TSPOAP1: variants seen among roughly 807,000 people sequenced by gnomAD.
TSPOAP1 encodes peripheral-type benzodiazepine receptor-associated protein 1.
A neutral mutation model predicts 197.0 loss-of-function variants in TSPOAP1; 87 were observed. That is an observed-to-expected ratio of 0.44 (90% CI 0.37 to 0.53). The LOEUF is 0.53. TSPOAP1 is among the 20% of genes least tolerant of loss of function. The probability of loss-of-function intolerance (pLI) is 0.00; values close to 1 mark genes in which losing one functional copy is unlikely to be tolerated. For synonymous variants in TSPOAP1, 913 were observed against 998.9 expected (o/e 0.91, Z 1.62); for missense variants, 2,174 against 2,411.3 (o/e 0.90, Z 2.06).
In TSPOAP1 at chr17:58,322,220, T is replaced by G; in HGVS notation, c.1422+88A>C. 8 of 1,352,488 alleles carry G rather than the reference T, an allele frequency of 5.9e-6. No homozygotes were observed. Among genetic ancestry groups the G allele is most frequent in the Non-Finnish European group, 8.3e-6 (8 of 968,948 alleles). The allele number at this position is 1,352,488 out of a possible 1,614,324, so 83.8% of individuals were successfully genotyped here. A position where few individuals can be genotyped will look rare whatever the true frequency, so the allele number is the denominator to read the frequency against. On this transcript the variant is annotated intron_variant, in intron 10 of 31. Transcript: ENST00000343736. This position sits in a 1 kb window ranked among gnomAD's most constrained non-coding sequence, Gnocchi z 5.0. The stretch of plus-strand genomic sequence containing the variant: ...ACAGTCTCCCCGACGCCTAGCACAG[T>G]GCCGGGCACACAGTAAATGCTTGTG...
chr17:58,320,494 A>C, intron 11 of TSPOAP1, 37 bp downstream of exon 11: 1 of 1,500,538 alleles, frequency 6.7e-7, no homozygotes, highest in Non-Finnish European at 8.9e-7. Flanking sequence ...CTTCCTCCCA[A>C]GATGGTGGAA....
chr17:58,311,356 A>G, intron 18 of TSPOAP1, 143 bp from the exon 19 acceptor site: 2 of 1,284,758 alleles, frequency 1.6e-6, no homozygotes, highest in Non-Finnish European at 2.1e-6. Context: ...TGCATGGCCT[A>G]TCTCATTTCA....
chr17:58,325,862 G>A (rs1458424825), intron 3 of TSPOAP1, 149 bp from the exon 4 acceptor site: 3 of 777,190 alleles, frequency 3.9e-6, no homozygotes, highest in Non-Finnish European at 4.0e-6. Flanking sequence ...AAAACCAGCA[G>A]CCTCACTCTA....
At chr17:58,325,180 C>T (rs935003177) in intron 4 of TSPOAP1, among the ~76,000 whole-genome samples, 178 bp from the exon 5 acceptor site, 1 of 152,166 alleles carries the variant, frequency 6.6e-6, no homozygotes, top group Non-Finnish European at 1.5e-5. Flanking sequence ...CATGCTCCCG[C>T]GAGCCCCTAT....
chr17:58,306,600 T>C, intron 25 of TSPOAP1, 187 bp from the exon 26 acceptor site: 1 of 889,852 alleles, frequency 1.1e-6, no homozygotes, highest in Non-Finnish European at 1.7e-6. Flanking sequence ...ATGGCTGTAT[T>C]CCCCTCTGCA....
rs146577820 is a variant in TSPOAP1 at position 58,311,487 on chromosome 17, G to A, written c.3081+84C>T. ...CAAATGCCAGGGGCTGGGCATCTCC[G>A]TGCCAAGCCAGAGAGCCTAGACCTC... On this transcript the variant is annotated intron_variant, in intron 18 of 31. Transcript: ENST00000343736. The A allele has an allele frequency of 1.4e-3, 2,165 of 1,499,024 alleles. 29 individuals carry two copies. The African/African-American group carries it at 0.018, about 12-fold the overall frequency. 92.9% of individuals were successfully genotyped at this position (1,499,024 alleles called of 1,614,324 possible).
Position 58,327,729 on chromosome 17 carries a change from T to C in TSPOAP1, c.192A>G (p.Lys64=). ...CCACGGGCCTGGAGCTCCCGTCTCC[T>C]TTGGGCTTGGAACTCTCCTCAGACC... ...ELRSEESSKP[K]GDGSSRPVGG... Residue 64 remains lysine, a synonymous_variant, in exon 1 of 32, where the codon AAA becomes AAG. Transcript: ENST00000343736. 1 of 1,614,166 alleles carries C rather than the reference T, an allele frequency of 6.2e-7. No homozygotes were observed. The highest frequency in any genetic ancestry group is 8.5e-7 in the Non-Finnish European group (1 of 1,180,040).
At chr17:58,306,691 G>T in intron 25 of TSPOAP1, 109 bp downstream of exon 25, 4 of 1,359,198 alleles carry the variant, frequency 2.9e-6, no homozygotes, top group Non-Finnish European at 4.0e-6. Context: ...CCAAGGCTCT[G>T]CTAGAGTCTG....
At position 58,312,730 on chromosome 17, in the gene TSPOAP1, G is replaced by A; in HGVS notation, c.2099-8C>T. ...GGCCATCCATGAGCTCTCCTGGCAG[G>A]AGGAGGACAGGAAGGGGCAGGGCAG... On this transcript the variant is annotated splice_region_variant and splice_polypyrimidine_tract_variant and intron_variant, in intron 16 of 31. Coordinates refer to ENST00000343736, the MANE Select transcript of TSPOAP1 (RefSeq NM_004758.4). The A allele has an allele frequency of 6.2e-7, 1 of 1,610,548 alleles. No individual in the cohort carries two copies. The highest frequency in any genetic ancestry group is 8.5e-7 in the Non-Finnish European group (1 of 1,178,736).
In TSPOAP1 at chr17:58,323,036, G is replaced by C. The variant is rs541529711; in HGVS notation, c.1108C>G (p.Leu370Val). 3 of 1,607,052 alleles carry C rather than the reference G, an allele frequency of 1.9e-6. No homozygotes were observed. The Admixed American group carries it at 5.1e-5, about 27-fold the overall frequency. ...TCATTCTGCGCTTGTCTCAGCTGCA[G>C]TTCCTGAGCGGGCAGAGGAGCTCTC... The part of the protein sequence containing the change: ...KKQRRCEELE[L>V]QLRQAQNENA... Residue 370 changes from leucine to valine, a missense_variant, in exon 8 of 32, where the codon CTG (leucine) becomes GTG (valine). Coordinates refer to ENST00000343736, the MANE Select transcript of TSPOAP1 (RefSeq NM_004758.4).
chr17:58,325,738 A>G lies in TSPOAP1; in HGVS notation c.571-25T>C, dbSNP rs555886381. 26 of 1,580,660 alleles carry G rather than the reference A, an allele frequency of 1.6e-5. No individual in the cohort carries two copies. In the East Asian group the frequency reaches 5.4e-4, roughly 33 times the overall value. Reference sequence around the variant, plus strand: ...CCTAGCCAGAGGAGGGGTAAGGCCAATGGTCACCTGAGGGCTGGGGCACTT... The same window carrying G: ...CCTAGCCAGAGGAGGGGTAAGGCCAGTGGTCACCTGAGGGCTGGGGCACTT... On this transcript the variant is annotated intron_variant, in intron 3 of 31. Transcript: ENST00000343736.
chr17:58,305,045 C>T lies in TSPOAP1; in HGVS notation c.5544+16G>A. The T allele has an allele frequency of 1.2e-6, 2 of 1,605,034 alleles. No homozygotes were observed. The highest frequency in any genetic ancestry group is 2.2e-5 in the East Asian group (1 of 44,822). Reference sequence around the variant, plus strand: ...TAGACTGCCCTGCCAAGCTGGGAGCCCAGCTCCTCACTGACCTGACTCTCA... The same window carrying T: ...TAGACTGCCCTGCCAAGCTGGGAGCTCAGCTCCTCACTGACCTGACTCTCA... On this transcript the variant is annotated intron_variant, in intron 30 of 31. Coordinates refer to ENST00000343736, the MANE Select transcript of TSPOAP1 (RefSeq NM_004758.4).
At chr17:58,302,469 G>C in intron 31 of TSPOAP1, 22 bp from the exon 32 acceptor site, 1 of 1,209,062 alleles carries the variant, frequency 8.3e-7, no homozygotes, top group Non-Finnish European at 1.0e-6. Context: ...GACAGAAGGA[G>C]CAAGGTCAGG....
Position 58,320,113 on chromosome 17 carries a change from A to G in TSPOAP1, c.1490T>C (p.Met497Thr). The change falls in exon 12 of 32, where the codon ATG becomes ACG. Residue 497 changes from methionine to threonine, a missense_variant. Transcript: ENST00000343736. ...VQLLESTLDS[M>T]QARVRELEEQ... ...AAGTGGAGAACGAGGCGCTACCTGCATGGAATCCAAGGTAGACTGTTGCAG... is the reference window on the plus strand; with the variant it reads ...AAGTGGAGAACGAGGCGCTACCTGCGTGGAATCCAAGGTAGACTGTTGCAG... The G allele has an allele frequency of 3.1e-6, 5 of 1,614,140 alleles. No individual in the cohort carries two copies. The highest frequency in any genetic ancestry group is 4.2e-6 in the Non-Finnish European group (5 of 1,180,002).
Position 58,311,686 on chromosome 17 carries a change from G to A in TSPOAP1, c.2966C>T (p.Pro989Leu). The A allele has an allele frequency of 6.2e-7, 1 of 1,602,068 alleles. No homozygotes were observed. The highest frequency in any genetic ancestry group is 8.5e-7 in the Non-Finnish European group (1 of 1,172,696). The change falls in exon 18 of 32, where the codon CCT becomes CTT. Residue 989 changes from proline (P) to leucine (L), a missense_variant. Transcript: ENST00000343736. Reference protein sequence around the residue: ...PDAPLDVQIEPGPSPGILIIS... With the variant: ...PDAPLDVQIELGPSPGILIIS... The stretch of plus-strand genomic sequence containing the variant: ...GATCAAGATCCCAGGGGAGGGCCCA[G>A]GCTCGATCTGCACATCCAGAGGGGC...
At position 58,312,681 on chromosome 17, in the gene TSPOAP1, A is replaced by G; in HGVS notation, c.2140T>C (p.Phe714Leu). Residue 714 changes from phenylalanine to leucine, a missense_variant, in exon 17 of 32, where the codon TTT (phenylalanine) becomes CTT (leucine). Phe to Leu is a conservative substitution (Grantham distance 22). Transcript: ENST00000343736. ...TCATCATCCGACACACGCTCTACAA[A>G]ATTGGAAGGGACCAGGCCCCTTCGG... is the stretch of plus-strand genomic sequence containing the variant. ...DGRRGLVPSN[F>L]VERVSDDDLL... 3 of 1,613,610 alleles carry G rather than the reference A, an allele frequency of 1.9e-6. No individual in the cohort carries two copies. The South Asian group carries it at 3.3e-5, about 18-fold the overall frequency.
chr17:58,302,225 G>A lies in TSPOAP1; in HGVS notation c.*255C>T, dbSNP rs1230977881. 7.0e-6 allele frequency: 9 copies of A among 1,285,616 alleles called. No individual in the cohort carries two copies. The highest frequency in any genetic ancestry group is 9.1e-6 in the Non-Finnish European group (9 of 986,342). The allele number at this position is 1,285,616 out of a possible 1,614,324, so 79.6% of individuals were successfully genotyped here. A position where few individuals can be genotyped will look rare whatever the true frequency, so the allele number is the denominator to read the frequency against. ...CTGCTCAGCAGAGACAGTGATCTGG[G>A]GGCCTCTCAGGGCCTCTTCTGCCTG... is the stretch of plus-strand genomic sequence containing the variant. On this transcript the variant is annotated 3_prime_UTR_variant, in exon 32 of 32. Coordinates refer to ENST00000343736, the MANE Select transcript of TSPOAP1 (RefSeq NM_004758.4).
chr17:58,304,570 C>G lies in TSPOAP1; in HGVS notation c.5545-171G>C. 1.6e-6 allele frequency: 1 copy of G among 630,726 alleles called. No homozygotes were observed. Among genetic ancestry groups the G allele is most frequent in the Non-Finnish European group, 2.9e-6 (1 of 345,534 alleles). The allele number at this position is 630,726 out of a possible 1,614,324, so 39.1% of individuals were successfully genotyped here. ...GGGCTTGGCCTCTTCACCCTCTCTC[C>G]CTGCCCTCTGAGAGTGGAGGCTTAG... On this transcript the variant is annotated intron_variant, in intron 30 of 31. Transcript: ENST00000343736. This position sits in a 1 kb window ranked among gnomAD's most constrained non-coding sequence, Gnocchi z 4.2.
At position 58,322,031 on chromosome 17, in the gene TSPOAP1, A is replaced by T; in HGVS notation, c.1422+277T>A. 2.3e-6 allele frequency: 1 copy of T among 431,052 alleles called. No individual in the cohort carries two copies. The allele number at this position is 431,052 out of a possible 1,614,324, so 26.7% of individuals were successfully genotyped here. Reference sequence around the variant, plus strand: ...TGGCAAGGTCAATTGTCACCTCCTCAGGGAGGCCTTCCCTGATGACCTCTA... The same window carrying T: ...TGGCAAGGTCAATTGTCACCTCCTCTGGGAGGCCTTCCCTGATGACCTCTA... On this transcript the variant is annotated intron_variant, in intron 10 of 31. Coordinates refer to ENST00000343736, the MANE Select transcript of TSPOAP1 (RefSeq NM_004758.4). The surrounding 1 kb of genome is among the most constrained non-coding windows in gnomAD (Gnocchi z 5.0).
Sources: allele counts gnomAD v4.1 joint callset (sites outside exome capture counted in the v4.1 genomes callset), GRCh38; gene constraint gnomAD v4.1.1; non-coding constraint Gnocchi (gnomAD v3.1); transcripts MANE v1.5; gene names NCBI Gene and HGNC (gene_info 2026-07-23, HGNC 2026-07-21).